SFRP1: variants seen among roughly 807,000 people sequenced by gnomAD.
SFRP1 encodes secreted frizzled-related protein 1.
SFRP1 carries 9 observed loss-of-function variants against 25.9 expected under a neutral mutation model. That is an observed-to-expected ratio of 0.35 (90% CI 0.21 to 0.61). SFRP1 has a LOEUF of 0.61. Among genes scored for constraint, SFRP1 ranks in the 20% least tolerant of loss-of-function variants. The pLI, the probability that SFRP1 is intolerant of heterozygous loss-of-function variation, is 0.78. For synonymous variants in SFRP1, 178 were observed against 174.0 expected, an observed-to-expected ratio of 1.02 and a Z score of -0.18; for missense variants, 346 against 418.2, an observed-to-expected ratio of 0.83 and a Z score of 1.51.
chr8:41,275,238 C>T (rs1184951828), intron 2 of SFRP1: 11 of 445,482 alleles, frequency 2.5e-5, no homozygotes, highest in Non-Finnish European at 4.0e-5. Flanking sequence ...TACAGCAGTT[C>T]CTCCAGTAGG....
intron 1 of SFRP1, 109 bp downstream of exon 1, chr8:41,308,507 C>A (rs1020794192): frequency 2.5e-5 from 22 of 895,288 alleles, no homozygotes; most frequent in Non-Finnish European, 3.5e-5. Flanking sequence ...CCTCAGTCCC[C>A]AGCACCGGGA....
intron 2 of SFRP1, among the ~76,000 whole-genome samples, chr8:41,286,184 G>C (rs1172642201): frequency 6.6e-6 from 1 of 152,180 alleles, no homozygotes; most frequent in African/African-American, 2.4e-5. Context: ...CCCTGGGCTT[G>C]CCTATTCCCG....
intron 2 of SFRP1, 49 bp downstream of exon 2, chr8:41,303,412 G>C: frequency 7.2e-7 from 1 of 1,390,360 alleles, no homozygotes. Flanking sequence ...CAGAGGCACA[G>C]ACCAGGAGGT....
chr8:41,306,262 C>T (rs1355659918), intron 1 of SFRP1, among the ~76,000 whole-genome samples: 3 of 152,140 alleles, frequency 2.0e-5, no homozygotes, highest in Non-Finnish European at 4.4e-5. Flanking sequence ...ACTGAATTTG[C>T]CCAAGTGTGT....
intron 2 of SFRP1, among the ~76,000 whole-genome samples, chr8:41,293,764 G>T (rs10092554): frequency 3.4e-4 from 50 of 149,142 alleles, no homozygotes; most frequent in African/African-American, 1.2e-3. Context: ...GGGGGGTTTT[G>T]TTTTTGTTTT....
chr8:41,273,794 G>T (rs1803540038), intron 2 of SFRP1, among the ~76,000 whole-genome samples: 1 of 152,158 alleles, frequency 6.6e-6, no homozygotes, highest in South Asian at 2.1e-4. Context: ...CTGGAAACGT[G>T]TGTGTGTCCA....
rs1314601594 is a variant in SFRP1, at chr8:41,264,495, G to A, written c.*672C>T. The A allele has an allele frequency of 2.0e-5, 3 of 152,132 alleles. No homozygotes were observed. The highest frequency in any genetic ancestry group is 4.8e-5 in the African/African-American group (2 of 41,406). The allele number at this position is 152,132 out of a possible 1,614,324, so 9.4% of individuals were successfully genotyped here. On this transcript the variant is annotated 3_prime_UTR_variant, in exon 3 of 3. Coordinates refer to ENST00000220772, the MANE Select transcript of SFRP1 (RefSeq NM_003012.5). The stretch of plus-strand genomic sequence containing the variant: ...CCGGGCTCATAGGAACCGAAACTTT[G>A]GGGCATCTGAGACTGGCTGATTCAG...
chr8:41,307,754 G>T (rs1173011806), intron 1 of SFRP1, among the ~76,000 whole-genome samples: 3 of 151,884 alleles, frequency 2.0e-5, no homozygotes, highest in African/African-American at 7.3e-5. Flanking sequence ...CTCAAGAATT[G>T]CTCTTTAAAC....
chr8:41,306,212 TAA>T (rs1284948365), intron 1 of SFRP1, among the ~76,000 whole-genome samples: 2 of 152,220 alleles, frequency 1.3e-5, no homozygotes, highest in African/African-American at 4.8e-5. Context: ...GGTTTCTCCT[TAA>T]TAACACATGA....
At chr8:41,285,958 T>A (rs536088197) in intron 2 of SFRP1, among the ~76,000 whole-genome samples, 1 of 141,714 alleles carries the variant, frequency 7.1e-6, no homozygotes, top group South Asian at 2.4e-4. Flanking sequence ...GGCTGAGGGC[T>A]CCATGGGAGG....
chr8:41,273,956 T>A (rs1803542194), intron 2 of SFRP1, among the ~76,000 whole-genome samples: 1 of 152,188 alleles, frequency 6.6e-6, no homozygotes, highest in Non-Finnish European at 1.5e-5. Flanking sequence ...GTGGAGTTTC[T>A]GCTCTCCCTC....
intron 2 of SFRP1, among the ~76,000 whole-genome samples, chr8:41,302,410 G>A (rs913791004): frequency 6.6e-6 from 1 of 152,190 alleles, no homozygotes; most frequent in Non-Finnish European, 1.5e-5. Context: ...AGACCCTTCC[G>A]TGTACTTTAC....
intron 2 of SFRP1, among the ~76,000 whole-genome samples, chr8:41,292,176 A>G (rs956655481): frequency 6.6e-6 from 1 of 152,208 alleles, no homozygotes; most frequent in African/African-American, 2.4e-5. Flanking sequence ...TTCCTTACCC[A>G]GGGCTTAACT....
intron 2 of SFRP1, among the ~76,000 whole-genome samples, chr8:41,272,920 T>A (rs1240025746): frequency 7.0e-6 from 1 of 143,434 alleles, no homozygotes; most frequent in Non-Finnish European, 1.6e-5. Context: ...ACTTTTAAAA[T>A]CTTCAAGAGA....
intron 1 of SFRP1, among the ~76,000 whole-genome samples, chr8:41,304,959 C>A (rs919792322): frequency 2.0e-5 from 3 of 152,132 alleles, no homozygotes; most frequent in African/African-American, 7.2e-5. Flanking sequence ...CTGTCCTTAG[C>A]CCAGATGCTG....
intron 2 of SFRP1, among the ~76,000 whole-genome samples, chr8:41,295,751 T>C (rs1803836743): frequency 6.6e-6 from 1 of 151,776 alleles, no homozygotes; most frequent in South Asian, 2.1e-4. Context: ...AGCATTTTTT[T>C]TTTTTTGCCA....
intron 2 of SFRP1, among the ~76,000 whole-genome samples, chr8:41,285,384 G>A (rs981440803): frequency 6.6e-6 from 1 of 151,968 alleles, no homozygotes; most frequent in African/African-American, 2.4e-5. Context: ...CCAGCCCCTC[G>A]GGTTCCAGCC....
Position 41,299,573 on chromosome 8 carries a change from G to A in SFRP1, c.622+3888C>T, listed in dbSNP as rs1422631571. Among the ~76,000 whole-genome samples the A allele has an allele frequency of 1.5e-4, 21 of 143,552 alleles. 4 individuals are homozygous for A. Among genetic ancestry groups the A allele is most frequent in the African/African-American group, 5.5e-4 (21 of 38,120 alleles). The allele number at this position is 143,552 out of a possible 152,430, so 94.2% of individuals were successfully genotyped here. A position where few individuals can be genotyped will look rare whatever the true frequency, so the allele number is the denominator to read the frequency against. ...CCCAGCATTTTGGGAGGCCAAGGTAGGGGGATCGCTTGAGCCCGGGGGGCG... is the reference window on the plus strand; with the variant it reads ...CCCAGCATTTTGGGAGGCCAAGGTAAGGGGATCGCTTGAGCCCGGGGGGCG... On this transcript the variant is annotated intron_variant, in intron 2 of 2. Coordinates refer to ENST00000220772, the MANE Select transcript of SFRP1 (RefSeq NM_003012.5).
chr8:41,290,740 G>T (rs1404810140), intron 2 of SFRP1, among the ~76,000 whole-genome samples: 2 of 152,014 alleles, frequency 1.3e-5, no homozygotes, highest in Admixed American at 1.3e-4. Flanking sequence ...CATACGGGAC[G>T]CGGCTCCAGG....
Sources: allele counts gnomAD v4.1 joint callset (sites outside exome capture counted in the v4.1 genomes callset), GRCh38; gene constraint gnomAD v4.1.1; transcripts MANE v1.5; gene names NCBI Gene and HGNC (gene_info 2026-07-23, HGNC 2026-07-21).